Variants in BSG observed in about 807,000 individuals in gnomAD.
The protein encoded by BSG is basigin.
In BSG, 37 loss-of-function variants were observed where a neutral mutation model predicts 43.1. That is an observed-to-expected ratio of 0.86 (90% CI 0.66 to 1.13). The LOEUF is 1.13. Among genes scored for constraint, BSG ranks in the 50% most tolerant of loss-of-function variants. The probability of loss-of-function intolerance (pLI) is 0.00; values close to 1 mark genes in which losing one functional copy is unlikely to be tolerated. For missense variants in BSG, 599 were observed against 554.2 expected (o/e 1.08, Z -0.81); for synonymous variants, 309 against 238.7 (o/e 1.29, Z -2.72).
chr19:580,728 C>G lies in BSG; in HGVS notation c.738C>G (p.Ser246=), dbSNP rs565486775. 15 of 1,612,838 alleles carry G rather than the reference C, an allele frequency of 9.3e-6. No homozygotes were observed. In the South Asian group the frequency reaches 1.3e-4, roughly 14 times the overall value. ...ETAMLVCKSE[S]VPPVTDWAWY... ...CCATGCTGGTCTGCAAGTCAGAGTC[C>G]GTGCCACCTGTCACTGACTGGGCCT... Residue 246 remains serine, a synonymous_variant, in exon 5 of 9, where the codon TCC becomes TCG. Transcript: ENST00000333511.
chr19:577,417 G>A lies in BSG; in HGVS notation c.68-357G>A, dbSNP rs1284154666. On this transcript the variant is annotated intron_variant, in intron 1 of 8. Transcript: ENST00000333511. ...CCCGGGTCTCTGGGGTCAGGGTATC[G>A]GGCAGAAGTCAGAGGACGGTGCGCT... 3.3e-5 allele frequency among the ~76,000 whole-genome samples: 5 copies of A among 152,162 alleles called. No homozygotes were observed. In the South Asian group the frequency reaches 8.3e-4, roughly 25 times the overall value.
intron 1 of BSG, among the ~76,000 whole-genome samples, chr19:574,734 G>A (rs1197790483): frequency 6.6e-6 from 1 of 152,194 alleles, no homozygotes; most frequent in Non-Finnish European, 1.5e-5. Flanking sequence ...GGCTTTGCCA[G>A]CTAACTCCTG....
intron 3 of BSG, 63 bp from the exon 4 acceptor site, chr19:580,316 C>G (rs879266841): frequency 6.5e-5 from 98 of 1,506,218 alleles, no homozygotes; most frequent in Non-Finnish European, 8.4e-5. Flanking sequence ...CCTGGAGAAC[C>G]CTGGGTCCTT....
upstream of BSG, chr19:572,008 T>A: frequency 6.2e-6 from 1 of 162,090 alleles, no homozygotes; most frequent in Non-Finnish European, 1.4e-5. Flanking sequence ...TTTTCTGAGA[T>A]CCAGATTCAA....
rs954781428 is a variant in BSG at position 573,344 on chromosome 19, C to T, written c.67+643C>T. 1.2e-4 allele frequency among the ~76,000 whole-genome samples: 18 copies of T among 152,258 alleles called. 2 individuals carry two copies. In the South Asian group the frequency reaches 3.3e-3, roughly 28 times the overall value. ...GACCCTCCCCTGAGACTCTCTGGGG[C>T]CCCCGCAAGGGCCCGTGCGGCCTGG... On this transcript the variant is annotated intron_variant, in intron 1 of 8. Transcript: ENST00000333511.
At position 580,646 on chromosome 19, in the gene BSG, G is replaced by A. The variant is rs770650777; in HGVS notation, c.656G>A (p.Gly219Glu). The change falls in exon 5 of 9, where the codon GGG (glycine) becomes GAG (glutamate). Residue 219 changes from glycine (G) to glutamate (E), a missense_variant and splice_region_variant. Physicochemically the swap from Gly to Glu is moderately conservative, Grantham distance 98 (BLOSUM62 -2). Coordinates refer to ENST00000333511, the MANE Select transcript of BSG (RefSeq NM_001728.4). The part of the protein sequence containing the change: ...PMGTANIQLH[G>E]PPRVKAVKSS... ...CTCCTCTCTCTCACCCTCCTGTCAG[G>A]GCCTCCCAGAGTGAAGGCTGTGAAG... is the stretch of plus-strand genomic sequence containing the variant. 1 of 1,612,768 alleles carries A rather than the reference G, an allele frequency of 6.2e-7. No individual in the cohort carries two copies. Among genetic ancestry groups the A allele is most frequent in the South Asian group, 1.1e-5 (1 of 91,078 alleles).
In BSG at chr19:582,518, A is replaced by G; in HGVS notation, c.1099A>G (p.Ser367Gly). Residue 367 changes from serine to glycine, a missense_variant, in exon 8 of 9, where the codon AGC becomes GGC. Physicochemically the swap from Ser to Gly is moderately conservative, Grantham distance 56. Coordinates refer to ENST00000333511, the MANE Select transcript of BSG (RefSeq NM_001728.4). Reference protein sequence around the residue: ...DDDAGSAPLKSSGQHQNDKGK... With the variant: ...DDDAGSAPLKGSGQHQNDKGK... ...ACCCGGCCCCTCGTGCCCCAGGAAG[A>G]GCAGCGGGCAGCACCAGAATGACAA... 6.2e-7 allele frequency: 1 copy of G among 1,607,736 alleles called. No homozygotes were observed. The highest frequency in any genetic ancestry group is 1.1e-5 in the South Asian group (1 of 90,282).
chr19:579,414 G>T lies in BSG; in HGVS notation c.416-86G>T, dbSNP rs776576310. 1.9e-6 allele frequency: 3 copies of T among 1,560,480 alleles called. No homozygotes were observed. In the South Asian group the frequency reaches 3.4e-5, roughly 17 times the overall value. ...GGGATGAAAACCAGTCCTTCCCGGG[G>T]AGGAGCCGCAGGTTCCTGGGGGTCA... On this transcript the variant is annotated intron_variant, in intron 2 of 8. Coordinates refer to ENST00000333511, the MANE Select transcript of BSG (RefSeq NM_001728.4).
intron 2 of BSG, 136 bp from the exon 3 acceptor site, chr19:579,364 G>A (rs1360540731): frequency 8.2e-7 from 1 of 1,226,812 alleles, no homozygotes; most frequent in South Asian, 1.3e-5. Context: ...CGGTCCTCGG[G>A]GCGTAAGGGC....
chr19:577,682 G>A lies in BSG; in HGVS notation c.68-92G>A. 3 of 1,113,760 alleles carry A rather than the reference G, an allele frequency of 2.7e-6. No individual in the cohort carries two copies. In the South Asian group the frequency reaches 8.0e-5, roughly 30 times the overall value. The allele number at this position is 1,113,760 out of a possible 1,614,324, so 69.0% of individuals were successfully genotyped here. A position where few individuals can be genotyped will look rare whatever the true frequency, so the allele number is the denominator to read the frequency against. On this transcript the variant is annotated intron_variant, in intron 1 of 8. Transcript: ENST00000333511. ...AGGAAGTGGCTTCTCCACCAGCCCT[G>A]GCTGGGAGTCCTGTGGGCGAGGCCT... is the stretch of plus-strand genomic sequence containing the variant.
intron 1 of BSG, among the ~76,000 whole-genome samples, chr19:577,062 G>A (rs918961055): frequency 3.9e-5 from 6 of 152,166 alleles, no homozygotes; most frequent in Non-Finnish European, 7.3e-5. Flanking sequence ...CACTCCCCAC[G>A]CTTCCCCTTG....
Position 580,758 on chromosome 19 carries a change from C to A in BSG, c.768C>A (p.Tyr256Ter). 6.2e-7 allele frequency: 1 copy of A among 1,610,988 alleles called. No individual in the cohort carries two copies. Among genetic ancestry groups the A allele is most frequent in the South Asian group, 1.1e-5 (1 of 90,938 alleles). ...CACCTGTCACTGACTGGGCCTGGTA[C>A]AAGATCACTGACTCTGAGGACAAGG... ...SVPPVTDWAW[Y>*]KITDSEDKAL... Residue 256 changes from tyrosine to a stop codon, truncating the protein, a stop_gained, in exon 5 of 9, where the codon TAC becomes TAA. Transcript: ENST00000333511. LOFTEE classifies it high-confidence loss of function.
In BSG at chr19:579,588, G is replaced by T; in HGVS notation, c.504G>T (p.Gly168=). ...SLNDSATEVT[G]HRWLKGGVVL... ...ATGACAGCGCCACAGAGGTCACAGGGCACCGCTGGCTGAAGGGGGGCGTGG... is the reference window on the plus strand; with the variant it reads ...ATGACAGCGCCACAGAGGTCACAGGTCACCGCTGGCTGAAGGGGGGCGTGG... Residue 168 remains glycine, a synonymous_variant, in exon 3 of 9, where the codon GGG becomes GGT. Coordinates refer to ENST00000333511, the MANE Select transcript of BSG (RefSeq NM_001728.4). 6.2e-7 allele frequency: 1 copy of T among 1,612,716 alleles called. No homozygotes were observed. The highest frequency in any genetic ancestry group is 1.3e-5 in the African/African-American group (1 of 75,072).
intron 1 of BSG, among the ~76,000 whole-genome samples, chr19:574,329 G>A (rs542198651): frequency 4.6e-5 from 7 of 151,834 alleles, no homozygotes; most frequent in Non-Finnish European, 8.8e-5. Context: ...CGAGGCGGGC[G>A]GATCACGAGG....
chr19:576,169 G>A (rs1981755510), intron 1 of BSG, among the ~76,000 whole-genome samples: 1 of 152,242 alleles, frequency 6.6e-6, no homozygotes, highest in Admixed American at 6.5e-5. Flanking sequence ...GGCCCCACCT[G>A]GTCCTCCTCA....
chr19:581,734 A>G, intron 6 of BSG, 143 bp downstream of exon 6: 1 of 1,208,680 alleles, frequency 8.3e-7, no homozygotes, highest in Non-Finnish European at 1.1e-6. Flanking sequence ...ACCCCGAAAG[A>G]AAGTGTGGGA....
chr19:579,604 G>A lies in BSG; in HGVS notation c.520G>A (p.Gly174Arg), dbSNP rs367570309. 11 of 1,612,484 alleles carry A rather than the reference G, an allele frequency of 6.8e-6. No individual in the cohort carries two copies. Among genetic ancestry groups the A allele is most frequent in the South Asian group, 2.2e-5 (2 of 91,078 alleles). ...TEVTGHRWLK[G>R]GVVLKEDALP... ...GGTCACAGGGCACCGCTGGCTGAAG[G>A]GGGGCGTGGTGCTGAAGGAGGACGC... The change falls in exon 3 of 9, where the codon GGG becomes AGG. Residue 174 changes from glycine (G) to arginine (R), a missense_variant. Coordinates refer to ENST00000333511, the MANE Select transcript of BSG (RefSeq NM_001728.4).
In BSG at chr19:582,805, A is replaced by G. The variant is rs960704220; in HGVS notation, c.*61A>G. On this transcript the variant is annotated 3_prime_UTR_variant, in exon 9 of 9. Coordinates refer to ENST00000333511, the MANE Select transcript of BSG (RefSeq NM_001728.4). ...TGCGCCGCCGCCGGAGTCCACTCCC[A>G]GTGCTTGCAAGATTCCAAGTTCTCA... 1.7e-6 allele frequency: 1 copy of G among 582,876 alleles called. No homozygotes were observed. 36.1% of individuals were successfully genotyped at this position (582,876 alleles called of 1,614,324 possible).
At chr19:576,090 G>A (rs563356581) in intron 1 of BSG, among the ~76,000 whole-genome samples, 2 of 152,362 alleles carry the variant, frequency 1.3e-5, no homozygotes, top group South Asian at 2.1e-4. Flanking sequence ...CGGGAGCACC[G>A]GGACCGGTGC....
Sources: gnomAD v4.1 joint callset for allele counts (sites outside exome capture counted in the v4.1 genomes callset) on GRCh38, gnomAD v4.1.1 for gene constraint, MANE v1.5 for transcripts, NCBI Gene and HGNC (gene_info 2026-07-23, HGNC 2026-07-21) for gene names.